Variants in PPP1R7 observed in about 807,000 individuals in gnomAD.
PPP1R7 encodes protein phosphatase 1 regulatory subunit 7.
Under a neutral mutation model 45.2 loss-of-function variants are expected in PPP1R7, and 18 were observed. The ratio of observed to expected loss-of-function variants is 0.40; its 90% CI spans 0.28 to 0.59. The LOEUF (loss-of-function observed/expected upper bound fraction) is 0.59. Ranked by LOEUF, PPP1R7 falls within the 20% of genes least tolerant of loss-of-function variation. PPP1R7 has a pLI of 0.46. For missense variants in PPP1R7, 314 were observed against 455.8 expected (o/e 0.69, Z 2.83); for synonymous variants, 181 against 183.4 (o/e 0.99, Z 0.11).
intron 9 of PPP1R7, among the ~76,000 whole-genome samples, chr2:241,181,022 A>C (rs1270392418): frequency 6.6e-6 from 1 of 152,140 alleles, no homozygotes; most frequent in Admixed American, 6.5e-5. Flanking sequence ...AACGTGGTGA[A>C]ACCCCATCTC....
At chr2:241,158,437 T>C (rs1575386380) in intron 3 of PPP1R7, 47 bp from the exon 4 acceptor site, 1 of 1,596,194 alleles carries the variant, frequency 6.3e-7, no homozygotes, top group Non-Finnish European at 8.6e-7. Context: ...GACACAGGTC[T>C]CCAGCCACTT....
chr2:241,150,569 C>T (rs1376462704), intron 1 of PPP1R7, 22 bp downstream of exon 1: 2 of 1,582,266 alleles, frequency 1.3e-6, no homozygotes, highest in Non-Finnish European at 8.6e-7. Flanking sequence ...CTGCGGGCGG[C>T]GGCCCAAGGG....
chr2:241,181,185 G>A (rs530330113), intron 9 of PPP1R7, among the ~76,000 whole-genome samples: 20 of 152,192 alleles, frequency 1.3e-4, no homozygotes, highest in African/African-American at 3.9e-4. Flanking sequence ...GCGACAGAGC[G>A]AGACTCCCTC....
In PPP1R7 at chr2:241,183,561, G is replaced by C. The variant is rs1236864861; in HGVS notation, c.*738G>C. 7.2e-6 allele frequency: 3 copies of C among 417,168 alleles called. No homozygotes were observed. The highest frequency in any genetic ancestry group is 6.3e-5 in the African/African-American group (3 of 47,904). 25.8% of individuals were successfully genotyped at this position (417,168 alleles called of 1,614,324 possible). Reference sequence around the variant, plus strand: ...AGCCTCTCCAAAGACGGCCTCCAAGGATCTGAACTCTTGGCCACTGGTATA... The same window carrying C: ...AGCCTCTCCAAAGACGGCCTCCAAGCATCTGAACTCTTGGCCACTGGTATA... On this transcript the variant is annotated 3_prime_UTR_variant, in exon 10 of 10. Transcript: ENST00000234038.
At chr2:241,171,813 C>A (rs904375167) in intron 9 of PPP1R7, among the ~76,000 whole-genome samples, 2 of 152,144 alleles carry the variant, frequency 1.3e-5, no homozygotes, top group Admixed American at 6.5e-5. Flanking sequence ...TCCTCTTTAT[C>A]CTTGTCCTGG....
intron 7 of PPP1R7, among the ~76,000 whole-genome samples, 193 bp downstream of exon 7, chr2:241,163,594 T>C (rs2149058774): frequency 6.6e-6 from 1 of 152,342 alleles, no homozygotes; most frequent in East Asian, 1.9e-4. Context: ...CTCTTTTTTA[T>C]TTTTTATTTA....
intron 7 of PPP1R7, among the ~76,000 whole-genome samples, chr2:241,165,843 C>T (rs986211830): frequency 2.0e-5 from 3 of 150,984 alleles, no homozygotes; most frequent in Non-Finnish European, 4.4e-5. Flanking sequence ...ATGATCCTCT[C>T]GCCTCGGCCT....
At position 241,150,559 on chromosome 2, in the gene PPP1R7, C is replaced by T. The variant is rs1418019567; in HGVS notation, c.52+12C>T. 1.9e-6 allele frequency: 3 copies of T among 1,586,992 alleles called. No individual in the cohort carries two copies. Among genetic ancestry groups the T allele is most frequent in the Non-Finnish European group, 2.6e-6 (3 of 1,169,112 alleles). On this transcript the variant is annotated intron_variant, in intron 1 of 9. Coordinates refer to ENST00000234038, the MANE Select transcript of PPP1R7 (RefSeq NM_002712.3). ...GGAGATGATGGAGGGTGAGCGGCCC[C>T]TGCGGGCGGCGGCCCAAGGGCCCAG...
chr2:241,162,437 G>A (rs2067614516), intron 6 of PPP1R7, among the ~76,000 whole-genome samples: 1 of 152,190 alleles, frequency 6.6e-6, no homozygotes, highest in African/African-American at 2.4e-5. Flanking sequence ...CCTGCTGTAG[G>A]CAAGTCACCA....
At chr2:241,161,662 T>C (rs2067592955) in intron 6 of PPP1R7, among the ~76,000 whole-genome samples, 1 of 152,230 alleles carries the variant, frequency 6.6e-6, no homozygotes, top group Non-Finnish European at 1.5e-5. Flanking sequence ...GATCTGGTGT[T>C]CCACAGAAGC....
At chr2:241,156,812 A>G (rs776408860) in intron 2 of PPP1R7, among the ~76,000 whole-genome samples, 1 of 152,222 alleles carries the variant, frequency 6.6e-6, no homozygotes, top group African/African-American at 2.4e-5. Flanking sequence ...AACACTGACA[A>G]TCTTTGGTGA....
At chr2:241,181,279 C>G (rs2068000866) in intron 9 of PPP1R7, among the ~76,000 whole-genome samples, 1 of 152,088 alleles carries the variant, frequency 6.6e-6, no homozygotes, top group Non-Finnish European at 1.5e-5. Context: ...CCCTGACACA[C>G]GGTAAGTTAC....
chr2:241,154,094 C>T (rs527913887), intron 2 of PPP1R7, among the ~76,000 whole-genome samples: 3 of 147,658 alleles, frequency 2.0e-5, no homozygotes, highest in Non-Finnish European at 4.5e-5. Context: ...GCAGGAGAAC[C>T]GCTTGAACCC....
upstream of PPP1R7, chr2:241,150,199 G>A (rs979232248): frequency 3.1e-6 from 4 of 1,271,180 alleles, no homozygotes; most frequent in Admixed American, 7.9e-5. Context: ...CGTCCACTCC[G>A]TCTGCCTGCA....
Position 241,157,869 on chromosome 2 carries a change from C to T in PPP1R7, c.237+7C>T, listed in dbSNP as rs1014597557. On this transcript the variant is annotated splice_region_variant and intron_variant, in intron 3 of 9. Coordinates refer to ENST00000234038, the MANE Select transcript of PPP1R7 (RefSeq NM_002712.3). ...CCTGGACAGAGATGCAGAGGTAATG[C>T]CGCCTGCTCAGCCCAGCCTTGGGCG... 5 of 1,613,042 alleles carry T rather than the reference C, an allele frequency of 3.1e-6. No individual in the cohort carries two copies. The highest frequency in any genetic ancestry group is 3.4e-6 in the Non-Finnish European group (4 of 1,179,004).
upstream of PPP1R7, chr2:241,150,316 G>T (rs749087303): frequency 8.3e-6 from 11 of 1,331,136 alleles, no homozygotes; most frequent in Non-Finnish European, 1.1e-5. Context: ...TCTGGGGGAG[G>T]CGCGGCGCGC....
At chr2:241,182,623 C>A (rs770778162) in intron 9 of PPP1R7, 24 bp from the exon 10 acceptor site, 22 of 1,612,716 alleles carry the variant, frequency 1.4e-5, no homozygotes, top group Non-Finnish European at 1.6e-5. Context: ...GTTCTAAAGG[C>A]TTTTCTGCTG....
intron 2 of PPP1R7, among the ~76,000 whole-genome samples, chr2:241,153,908 G>A (rs186615291): frequency 1.3e-5 from 2 of 152,280 alleles, no homozygotes; most frequent in South Asian, 2.1e-4. Context: ...TTGGCCAGAT[G>A]CAGTGGCTCA....
intron 1 of PPP1R7, among the ~76,000 whole-genome samples, 192 bp downstream of exon 1, chr2:241,150,739 C>T (rs1325229937): frequency 6.6e-6 from 1 of 152,030 alleles, no homozygotes; most frequent in Non-Finnish European, 1.5e-5. Context: ...GGCCCGGGGG[C>T]GGCAGCGGCC....
Sources: allele counts gnomAD v4.1 joint callset (sites outside exome capture counted in the v4.1 genomes callset), GRCh38; gene constraint gnomAD v4.1.1; transcripts MANE v1.5; gene names NCBI Gene and HGNC (gene_info 2026-07-23, HGNC 2026-07-21).